DDX50: variants seen among roughly 807,000 people sequenced by gnomAD.
DDX50 encodes the protein ATP-dependent RNA helicase DDX50.
In DDX50, 56 loss-of-function variants were observed where a neutral mutation model predicts 94.8. The ratio of observed to expected loss-of-function variants is 0.59; its 90% CI spans 0.48 to 0.74. The LOEUF (loss-of-function observed/expected upper bound fraction) is 0.74, where lower values mean the gene tolerates loss of function less well. Among genes scored for constraint, DDX50 ranks in the 30% least tolerant of loss-of-function variants. The pLI is 0.00. For missense variants in DDX50, 713 were observed against 881.2 expected (o/e 0.81, Z 2.42); for synonymous variants, 264 against 295.4 (o/e 0.89, Z 1.09).
chr10:68,918,614 A>G (rs1287168778), intron 7 of DDX50, among the ~76,000 whole-genome samples: 3 of 151,610 alleles, frequency 2.0e-5, no homozygotes, highest in Admixed American at 1.3e-4. Context: ...TTTAGTAGAG[A>G]TGGGGTTTCA....
At chr10:68,918,586 T>G (rs1372365476) in intron 7 of DDX50, among the ~76,000 whole-genome samples, 3 of 151,558 alleles carry the variant, frequency 2.0e-5, no homozygotes, top group Non-Finnish European at 4.4e-5. Context: ...CAGGTGCCCA[T>G]GACTAAGTTT....
At chr10:68,910,186 CAAA>C (rs35271752) in intron 2 of DDX50, 118 bp from the exon 3 acceptor site, 1,556 of 679,836 alleles carry the variant, frequency 2.3e-3, no homozygotes, top group East Asian at 3.5e-3. Flanking sequence ...GACCCTGTTT[CAAA>C]AAAAAAAAAA....
intron 8 of DDX50, among the ~76,000 whole-genome samples, chr10:68,928,912 A>G (rs541688469): frequency 2.6e-5 from 4 of 152,136 alleles, no homozygotes; most frequent in Admixed American, 2.0e-4. Flanking sequence ...TTTTTGGATT[A>G]TATCTCCTAT....
chr10:68,906,631 G>A, intron 1 of DDX50, 80 bp from the exon 2 acceptor site: 1 of 1,472,850 alleles, frequency 6.8e-7, no homozygotes, highest in South Asian at 1.2e-5. Context: ...GAACTGGTGG[G>A]GGAGTCATGC....
At chr10:68,914,232 T>C (rs1236284130) in intron 7 of DDX50, 28 bp downstream of exon 7, 1 of 1,602,400 alleles carries the variant, frequency 6.2e-7, no homozygotes, top group Non-Finnish European at 8.5e-7. Flanking sequence ...ATGATAGATT[T>C]TAGCTTTTAG....
Position 68,925,094 on chromosome 10 carries a change from G to GTTTTTTTTTTTTTTTTTTTTTTTTTT in DDX50, c.1239+5113_1239+5114insTTTTTTTTTTTTTTTTTTTTTTTTTT, listed in dbSNP as rs752888119. On this transcript the variant is annotated intron_variant, in intron 8 of 14. Coordinates refer to ENST00000373585, the MANE Select transcript of DDX50 (RefSeq NM_024045.2). Reference sequence around the variant, plus strand: ...ACAAGAATTATCCTTCCCTGCTCATGGTTTTTTTTTTTTTTTTTTTTTTTT... The same window carrying GTTTTTTTTTTTTTTTTTTTTTTTTTT: ...ACAAGAATTATCCTTCCCTGCTCATGTTTTTTTTTTTTTTTTTTTTTTTTTTGTTTTTTTTTTTTTTTTTTTTTTTT... Among the ~76,000 whole-genome samples the GTTTTTTTTTTTTTTTTTTTTTTTTTT allele has an allele frequency of 2.2e-5, 2 of 89,036 alleles. 1 individual carries two copies. The highest frequency in any genetic ancestry group is 2.9e-4 in the Admixed American group (2 of 6,828). 58.4% of individuals were successfully genotyped at this position (89,036 alleles called of 152,430 possible). A position where few individuals can be genotyped will look rare whatever the true frequency, so the allele number is the denominator to read the frequency against.
At chr10:68,945,554 G>A (rs2132068608) in intron 14 of DDX50, among the ~76,000 whole-genome samples, 1 of 152,118 alleles carries the variant, frequency 6.6e-6, no homozygotes, top group Non-Finnish European at 1.5e-5. Flanking sequence ...TGATCTGCCC[G>A]CCTCGGCCTC....
intron 1 of DDX50, among the ~76,000 whole-genome samples, chr10:68,904,733 A>G (rs1009502070): frequency 1.3e-5 from 2 of 152,354 alleles, no homozygotes; most frequent in East Asian, 3.9e-4. Flanking sequence ...TGCAGGGCCC[A>G]GAAGCAATTC....
intron 7 of DDX50, among the ~76,000 whole-genome samples, chr10:68,915,902 A>C (rs530459779): frequency 1.3e-3 from 205 of 152,314 alleles, no homozygotes; most frequent in Middle Eastern, 3.4e-3. Flanking sequence ...AGTGATAAAA[A>C]CCAAATTATA....
At chr10:68,928,776 A>G (rs1842156113) in intron 8 of DDX50, among the ~76,000 whole-genome samples, 1 of 152,154 alleles carries the variant, frequency 6.6e-6, no homozygotes, top group Non-Finnish European at 1.5e-5. Context: ...CTACACTCCT[A>G]TACCCACTCT....
chr10:68,901,414 T>G lies in DDX50; in HGVS notation c.30T>G (p.Ile10Met). 6.4e-7 allele frequency: 1 copy of G among 1,572,494 alleles called. No individual in the cohort carries two copies. Among genetic ancestry groups the G allele is most frequent in the Non-Finnish European group, 8.6e-7 (1 of 1,159,576 alleles). Reference protein sequence around the residue: MPGKLLWGDIMELEAPLEES... With the variant: MPGKLLWGDMMELEAPLEES... The stretch of plus-strand genomic sequence containing the variant: ...CTGGGAAACTCCTCTGGGGGGACAT[T>G]ATGGAGCTGGAAGCACCCTTGGAGG... Residue 10 changes from isoleucine to methionine, a missense_variant, in exon 1 of 15, where the codon ATT becomes ATG. By Grantham distance (10) the Ile-to-Met change is conservative. This residue lies in a region of DDX50 where 285 missense variants were observed against 278.9 expected (regional missense o/e 1.02). Transcript: ENST00000373585.
In DDX50 at chr10:68,946,801, C is replaced by T; in HGVS notation, c.*171C>T. The T allele has an allele frequency of 1.3e-6, 1 of 780,296 alleles. No individual in the cohort carries two copies. The highest frequency in any genetic ancestry group is 2.0e-6 in the Non-Finnish European group (1 of 510,436). 48.3% of individuals were successfully genotyped at this position (780,296 alleles called of 1,614,324 possible). On this transcript the variant is annotated 3_prime_UTR_variant, in exon 15 of 15. Transcript: ENST00000373585. ...CAAGAATGGAACAAATCTACTTATC[C>T]AGTTATACCTTTGAATAAAAAAACC... is the stretch of plus-strand genomic sequence containing the variant.
chr10:68,925,583 T>G (rs1564610703), intron 8 of DDX50, among the ~76,000 whole-genome samples: 1 of 152,184 alleles, frequency 6.6e-6, no homozygotes, highest in Non-Finnish European at 1.5e-5. Context: ...TTAGCTTTGA[T>G]GTTTAAATGT....
At chr10:68,909,393 A>C (rs1841560153) in intron 2 of DDX50, among the ~76,000 whole-genome samples, 1 of 152,242 alleles carries the variant, frequency 6.6e-6, no homozygotes, top group African/African-American at 2.4e-5. Context: ...TGTTAAAGAA[A>C]TCTTCAAGCT....
intron 1 of DDX50, among the ~76,000 whole-genome samples, chr10:68,903,765 C>T (rs909309195): frequency 1.3e-5 from 2 of 151,810 alleles, no homozygotes; most frequent in African/African-American, 2.4e-5. Flanking sequence ...CGCACCACTG[C>T]ACTGCAGCCT....
intron 14 of DDX50, 58 bp from the exon 15 acceptor site, chr10:68,946,294 A>G (rs151014221): frequency 2.0e-6 from 3 of 1,531,418 alleles, no homozygotes; most frequent in East Asian, 2.3e-5. Context: ...TGTACTTAAC[A>G]TGTTTGCTTA....
At chr10:68,913,096 T>G (rs1006310434) in intron 4 of DDX50, 66 bp from the exon 5 acceptor site, 27 of 1,345,434 alleles carry the variant, frequency 2.0e-5, no homozygotes, top group Non-Finnish European at 2.8e-5. Flanking sequence ...AAAAAAAGTC[T>G]TCTTGGTTTT....
At chr10:68,918,789 A>T (rs1245116095) in intron 7 of DDX50, among the ~76,000 whole-genome samples, 1 of 152,032 alleles carries the variant, frequency 6.6e-6, no homozygotes, top group African/African-American at 2.4e-5. Context: ...GTATGGATAT[A>T]CCTGTTTTGG....
chr10:68,912,026 A>G (rs1841639444), intron 4 of DDX50, among the ~76,000 whole-genome samples: 1 of 152,236 alleles, frequency 6.6e-6, no homozygotes, highest in Admixed American at 6.5e-5. Context: ...ATAAGAGCAA[A>G]TTAACATACA....
Sources: allele counts gnomAD v4.1 joint callset (sites outside exome capture counted in the v4.1 genomes callset), GRCh38; gene constraint gnomAD v4.1.1; regional missense constraint gnomAD v4.1.1; transcripts MANE v1.5; gene names NCBI Gene and HGNC (gene_info 2026-07-23, HGNC 2026-07-21).